The following WDR37 variants were observed in gnomAD, a reference collection of about 807,000 sequenced individuals.
WDR37 encodes the protein WD repeat domain 37, also known as WD repeat-containing protein 37.
WDR37 carries 19 observed loss-of-function variants against 62.9 expected under a neutral mutation model. The ratio of observed to expected loss-of-function variants is 0.30; its 90% CI spans 0.21 to 0.44. The LOEUF is 0.44. Among genes scored for constraint, WDR37 ranks in the 20% least tolerant of loss-of-function variants. The pLI is 1.00. For synonymous variants in WDR37, 250 were observed against 260.9 expected (o/e 0.96, Z 0.40); for missense variants, 474 against 657.6 (o/e 0.72, Z 3.05).
At chr10:1,109,174 G>T (rs768748888) in intron 11 of WDR37, among the ~76,000 whole-genome samples, 3 of 152,156 alleles carry the variant, frequency 2.0e-5, no homozygotes, top group Non-Finnish European at 4.4e-5. Flanking sequence ...GCTCTAGGGG[G>T]TCATTCCAGA....
intron 1 of WDR37, among the ~76,000 whole-genome samples, chr10:1,062,782 A>G (rs2131603221): frequency 6.6e-6 from 1 of 152,330 alleles, no homozygotes; most frequent in Middle Eastern, 3.4e-3. Context: ...AACACTGGAC[A>G]TATATAAAAC....
chr10:1,080,571 C>T, intron 5 of WDR37, 95 bp downstream of exon 5: 1 of 1,382,316 alleles, frequency 7.2e-7, no homozygotes, highest in Non-Finnish European at 1.0e-6. Flanking sequence ...AAAGGCATAG[C>T]AGAAAAAGAT....
At position 1,105,052 on chromosome 10, in the gene WDR37, T is replaced by C. The variant is rs141811393; in HGVS notation, c.962-74T>C. The C allele has an allele frequency of 1.0e-5, 16 of 1,568,020 alleles. No individual in the cohort carries two copies. In the African/African-American group the frequency reaches 1.9e-4, roughly 18 times the overall value. On this transcript the variant is annotated intron_variant, in intron 10 of 13. Coordinates refer to ENST00000263150, the MANE Select transcript of WDR37 (RefSeq NM_014023.4). This position sits in a 1 kb window ranked among gnomAD's most constrained non-coding sequence, Gnocchi z 5.3. ...CTCAGAGAGACGGCTTCTTGGGTTC[T>C]TGTGCTGTTGAAAAGCGTCTCTCTC...
intron 8 of WDR37, among the ~76,000 whole-genome samples, chr10:1,095,295 A>G (rs75348578): frequency 0.084 from 11,575 of 138,380 alleles, 1,184 homozygotes; most frequent in African/African-American, 0.24. Context: ...TAATGGGCAT[A>G]GAGAGGAGAG....
At chr10:1,088,524 G>A (rs1273359863) in intron 7 of WDR37, among the ~76,000 whole-genome samples, 1 of 152,030 alleles carries the variant, frequency 6.6e-6, no homozygotes, top group Non-Finnish European at 1.5e-5. Flanking sequence ...GCTGGTTGGT[G>A]GAGCAGTCAT....
intron 9 of WDR37, chr10:1,096,524 G>A (rs1834582781): frequency 2.2e-6 from 1 of 447,370 alleles, no homozygotes; most frequent in African/African-American, 2.0e-5. Context: ...AGCAGAGCCA[G>A]AGGGCGGCCG....
intron 2 of WDR37, among the ~76,000 whole-genome samples, chr10:1,077,103 C>T (rs1381621999): frequency 6.6e-6 from 1 of 151,870 alleles, no homozygotes; most frequent in African/African-American, 2.4e-5. Flanking sequence ...GGACACATAC[C>T]AAATAGTGCA....
rs940390460 is a variant in WDR37 at position 1,091,908 on chromosome 10, C to T, written c.605-1544C>T. ...TTTCAAGAAAATGATAGGCCGGGCG[C>T]GGTGGCTCACGCCTGTAATCCTAGC... On this transcript the variant is annotated intron_variant, in intron 7 of 13. Coordinates refer to ENST00000263150, the MANE Select transcript of WDR37 (RefSeq NM_014023.4). Among the ~76,000 whole-genome samples the T allele has an allele frequency of 6.8e-4, 103 of 152,098 alleles. 1 individual carries two copies. The highest frequency in any genetic ancestry group is 6.1e-3 in the Admixed American group (93 of 15,274).
intron 1 of WDR37, among the ~76,000 whole-genome samples, chr10:1,062,041 C>G (rs1833386871): frequency 6.6e-6 from 1 of 151,354 alleles, no homozygotes; most frequent in South Asian, 2.1e-4. Flanking sequence ...ACTGAGTTTC[C>G]ATGGAGGATG....
chr10:1,106,882 G>A (rs180732271), intron 11 of WDR37, among the ~76,000 whole-genome samples: 69 of 152,294 alleles, frequency 4.5e-4, no homozygotes, highest in African/African-American at 1.6e-3. Context: ...AGGCTGGAAC[G>A]GGAGCAGGCA....
At chr10:1,096,347 C>T in intron 9 of WDR37, 101 bp downstream of exon 9, 1 of 1,362,538 alleles carries the variant, frequency 7.3e-7, no homozygotes. Flanking sequence ...TTGTGTCCCC[C>T]CAAGTTCAGT....
At chr10:1,104,669 A>G (rs1047748878) in intron 10 of WDR37, among the ~76,000 whole-genome samples, 1 of 152,284 alleles carries the variant, frequency 6.6e-6, no homozygotes, top group South Asian at 2.1e-4. Context: ...TTAGGCATGT[A>G]CGGGGTGGGG....
At chr10:1,097,019 T>C (rs1834606819) in intron 9 of WDR37, among the ~76,000 whole-genome samples, 2 of 152,124 alleles carry the variant, frequency 1.3e-5, no homozygotes, top group South Asian at 4.1e-4. Context: ...AAGAAAGTGA[T>C]CCTCATTACA....
chr10:1,059,230 G>T (rs187995611), intron 1 of WDR37, among the ~76,000 whole-genome samples: 1 of 152,238 alleles, frequency 6.6e-6, no homozygotes, highest in East Asian at 1.9e-4. Context: ...ACAAAAATCA[G>T]CTGGGCATGG....
At chr10:1,071,099 A>T (rs1317191798) in intron 1 of WDR37, among the ~76,000 whole-genome samples, 1 of 152,200 alleles carries the variant, frequency 6.6e-6, no homozygotes. Context: ...GTGTATTTTA[A>T]AGGTTAGCGT....
chr10:1,109,841 A>G (rs1389514584), intron 11 of WDR37, among the ~76,000 whole-genome samples: 5 of 152,204 alleles, frequency 3.3e-5, no homozygotes, highest in Admixed American at 6.5e-5. Flanking sequence ...AAAAGTTCTT[A>G]CTAATGTGGA....
chr10:1,117,374 G>A (rs1265025598), intron 11 of WDR37, among the ~76,000 whole-genome samples: 1 of 152,198 alleles, frequency 6.6e-6, no homozygotes, highest in African/African-American at 2.4e-5. Context: ...GCATTTTAAA[G>A]TCGCTTCCAA....
chr10:1,123,472 C>G (rs976955282), intron 11 of WDR37, among the ~76,000 whole-genome samples: 1 of 152,110 alleles, frequency 6.6e-6, no homozygotes, highest in Non-Finnish European at 1.5e-5. Flanking sequence ...TCTGAATTTG[C>G]CTAGTCCAGG....
intron 2 of WDR37, 90 bp downstream of exon 2, chr10:1,072,383 T>TCTC: frequency 6.6e-7 from 1 of 1,523,826 alleles, no homozygotes; most frequent in Non-Finnish European, 8.9e-7. Context: ...GATGGTGCGA[T>TCTC]CTCCGCTCAC....
Sources: allele counts gnomAD v4.1 joint callset (sites outside exome capture counted in the v4.1 genomes callset), GRCh38; gene constraint gnomAD v4.1.1; non-coding constraint Gnocchi (gnomAD v3.1); transcripts MANE v1.5; gene names NCBI Gene and HGNC (gene_info 2026-07-23, HGNC 2026-07-21).